The following GTF3C1 variants were observed in gnomAD, a reference collection of about 807,000 sequenced individuals.
GTF3C1 encodes general transcription factor IIIC subunit 1, also known as general transcription factor 3C polypeptide 1.
A neutral mutation model predicts 226.7 loss-of-function variants in GTF3C1; 57 were observed. The observed-to-expected ratio is 0.25, with a 90% CI of 0.20 to 0.31. The LOEUF is 0.31. Ranked by LOEUF, GTF3C1 falls within the 10% of genes least tolerant of loss-of-function variation. GTF3C1 has a pLI of 1.00. For missense variants in GTF3C1, 2,217 were observed against 2,776.1 expected, an observed-to-expected ratio of 0.80 and a Z score of 4.53; for synonymous variants, 1,090 against 1,084.8, an observed-to-expected ratio of 1.00 and a Z score of -0.09.
At chr16:27,511,644 T>G in intron 7 of GTF3C1, 105 bp downstream of exon 7, 2 of 1,221,362 alleles carry the variant, frequency 1.6e-6, no homozygotes, top group Non-Finnish European at 2.3e-6. Flanking sequence ...CTTCCCATTG[T>G]ATTACATTCT....
rs1404819810 is a variant in GTF3C1, at chr16:27,478,212, G to T, written c.4259+257C>A. On this transcript the variant is annotated intron_variant, in intron 28 of 36. Transcript: ENST00000356183. ...GAAAGAAAAAAAAAAGTTCTATGTG[G>T]ATTTTTGACTGTGCAGGGGGTCGGC... Among the ~76,000 whole-genome samples the T allele has an allele frequency of 2.0e-5, 3 of 152,088 alleles. No homozygotes were observed. In the East Asian group the frequency reaches 5.8e-4, roughly 29 times the overall value.
At chr16:27,482,970 TGA>T in intron 26 of GTF3C1, 72 bp downstream of exon 26, 1 of 1,247,052 alleles carries the variant, frequency 8.0e-7, no homozygotes, top group Non-Finnish European at 1.2e-6. Flanking sequence ...CACTGTGGGA[TGA>T]GAGGAGCTGA....
chr16:27,461,375 T>G lies in GTF3C1; in HGVS notation c.6305A>C (p.Asn2102Thr), dbSNP rs149217296. The G allele has an allele frequency of 1.9e-6, 3 of 1,612,232 alleles. No homozygotes were observed. The highest frequency in any genetic ancestry group is 2.5e-6 in the Non-Finnish European group (3 of 1,178,746). Residue 2102 changes from asparagine (N) to threonine (T), a missense_variant, in exon 37 of 37, where the codon AAC (asparagine) becomes ACC (threonine). Around this residue, in one of 12 missense-constraint regions of GTF3C1, gnomAD observed 153 missense variants for 199.8 expected, o/e 0.77. Coordinates refer to ENST00000356183, the MANE Select transcript of GTF3C1 (RefSeq NM_001520.4). The surrounding 1 kb of genome is among the most constrained non-coding windows in gnomAD (Gnocchi z 5.3). The part of the protein sequence containing the change: ...RLGRVFPHEV[N>T]WNKWIHL ...CTAGAGGTGGATCCACTTGTTCCAG[T>G]TGACCTCGTGGGGGAACACACGGCC...
At chr16:27,534,775 T>C (rs1360434695) in intron 4 of GTF3C1, among the ~76,000 whole-genome samples, 1 of 152,222 alleles carries the variant, frequency 6.6e-6, no homozygotes, top group Non-Finnish European at 1.5e-5. Context: ...TAAAAGATGC[T>C]TCTCTCTAAT....
intron 5 of GTF3C1, among the ~76,000 whole-genome samples, chr16:27,533,056 T>C (rs2088945124): frequency 6.6e-6 from 1 of 152,050 alleles, no homozygotes; most frequent in Admixed American, 6.6e-5. Flanking sequence ...CGCTTGAACC[T>C]GGGAGGCGAA....
At chr16:27,516,681 G>A (rs928323592) in intron 6 of GTF3C1, among the ~76,000 whole-genome samples, 2 of 152,054 alleles carry the variant, frequency 1.3e-5, no homozygotes, top group South Asian at 4.1e-4. Context: ...TCGCTTTGTC[G>A]TCCAGCCTGG....
rs777000176 is a variant in GTF3C1 at position 27,469,498 on chromosome 16, C to A, written c.4867G>T (p.Asp1623Tyr). The A allele has an allele frequency of 3.7e-6, 6 of 1,614,034 alleles. No individual in the cohort carries two copies. In the South Asian group the frequency reaches 6.6e-5, roughly 18 times the overall value. The change falls in exon 32 of 37, where the codon GAC becomes TAC. Residue 1623 changes from aspartate to tyrosine, a missense_variant. Asp to Tyr is a radical substitution (Grantham distance 160). This residue lies in a region of GTF3C1 where 546 missense variants were observed against 663.0 expected (regional missense o/e 0.82). Coordinates refer to ENST00000356183, the MANE Select transcript of GTF3C1 (RefSeq NM_001520.4). This position sits in a 1 kb window ranked among gnomAD's most constrained non-coding sequence, Gnocchi z 4.5. ...CGGCGCTTGCCCCCTACACCTTCGTCCAAGTCATCCTCTTCATCCTCGTCA... is the reference window on the plus strand; with the variant it reads ...CGGCGCTTGCCCCCTACACCTTCGTACAAGTCATCCTCTTCATCCTCGTCA... The part of the protein sequence containing the change: ...EDDEDEEDDL[D>Y]EGVGGKRRSM...
chr16:27,505,542 T>C (rs548124808), intron 10 of GTF3C1, among the ~76,000 whole-genome samples: 4 of 152,302 alleles, frequency 2.6e-5, no homozygotes, highest in Admixed American at 1.3e-4. Context: ...CCTGACTCCA[T>C]AGAGAGTTGT....
In GTF3C1 at chr16:27,497,643, T is replaced by C. The variant is rs778837886; in HGVS notation, c.2344A>G (p.Ile782Val). The C allele has an allele frequency of 1.9e-6, 3 of 1,611,364 alleles. No homozygotes were observed. The highest frequency in any genetic ancestry group is 1.7e-5 in the Admixed American group (1 of 59,902). The change falls in exon 14 of 37, where the codon ATT (isoleucine) becomes GTT (valine). Residue 782 changes from isoleucine to valine, a missense_variant. Around this residue, in one of 12 missense-constraint regions of GTF3C1, gnomAD observed 100 missense variants for 139.9 expected, o/e 0.71. Coordinates refer to ENST00000356183, the MANE Select transcript of GTF3C1 (RefSeq NM_001520.4). Reference sequence around the variant, plus strand: ...ACAAGAAGCTGCAGCTTACCTACAATGGGGTGATAATTTCTAAGCGGGGTT... The same window carrying C: ...ACAAGAAGCTGCAGCTTACCTACAACGGGGTGATAATTTCTAAGCGGGGTT... The part of the protein sequence containing the change: ...GITPLRNYHP[I>V]VVPGLGRSLG...
rs1165381364 is a variant in GTF3C1 at position 27,507,094 on chromosome 16, C to T, written c.1305G>A (p.Glu435=). The T allele has an allele frequency of 6.2e-7, 1 of 1,613,778 alleles. No individual in the cohort carries two copies. The highest frequency in any genetic ancestry group is 8.5e-7 in the Non-Finnish European group (1 of 1,179,954). The change falls in exon 9 of 37, where the codon GAG becomes GAA. Residue 435 remains glutamate (E), a synonymous_variant. Transcript: ENST00000356183. This position sits in a 1 kb window ranked among gnomAD's most constrained non-coding sequence, Gnocchi z 4.9. ...GGTACTGCCGGCTTAGGTCGCTCTC[C>T]TCTGCAAACACGCAGGAAATGTACT... ...TTKYISCVFA[E]ESDLSRQYQR... is the part of the protein sequence containing the mutation.
intron 32 of GTF3C1, among the ~76,000 whole-genome samples, chr16:27,467,771 G>A (rs145752303): frequency 6.6e-6 from 1 of 152,266 alleles, no homozygotes; most frequent in African/African-American, 2.4e-5. Flanking sequence ...TCGGGAGGCT[G>A]AGCTAGGAGA....
chr16:27,543,645 GCC>G (rs1328053969), intron 2 of GTF3C1, among the ~76,000 whole-genome samples: 1 of 152,118 alleles, frequency 6.6e-6, no homozygotes, highest in Non-Finnish European at 1.5e-5. Flanking sequence ...TGATCCTCCT[GCC>G]TTGGCCTCCC....
rs776527254 is a variant in GTF3C1 at position 27,461,370 on chromosome 16, T to C, written c.6310A>G (p.Asn2104Asp). 2 of 1,611,820 alleles carry C rather than the reference T, an allele frequency of 1.2e-6. No individual in the cohort carries two copies. The highest frequency in any genetic ancestry group is 1.7e-6 in the Non-Finnish European group (2 of 1,178,428). ...GRVFPHEVNW[N>D]KWIHL ...GGGTCCTAGAGGTGGATCCACTTGT[T>C]CCAGTTGACCTCGTGGGGGAACACA... The change falls in exon 37 of 37, where the codon AAC (asparagine) becomes GAC (aspartate). Residue 2104 changes from asparagine to aspartate, a missense_variant. This residue lies in a region of GTF3C1 where 153 missense variants were observed against 199.8 expected (regional missense o/e 0.77). Coordinates refer to ENST00000356183, the MANE Select transcript of GTF3C1 (RefSeq NM_001520.4). This position sits in a 1 kb window ranked among gnomAD's most constrained non-coding sequence, Gnocchi z 5.3.
intron 4 of GTF3C1, among the ~76,000 whole-genome samples, chr16:27,535,359 G>A (rs1335274362): frequency 6.6e-6 from 1 of 152,118 alleles, no homozygotes; most frequent in Non-Finnish European, 1.5e-5. Context: ...TATCACCTGA[G>A]GTCAGGAGTT....
Position 27,484,348 on chromosome 16 carries a change from CT to C in GTF3C1, c.3863del (p.Lys1288ArgfsTer36). ...IASNVLNTKVKGPFVTWQVVR... is the reference protein window; with the variant it reads ...IASNVLNTKVXGPFVTWQVVR... ...CCACCTGCCAGGTGACAAATGGGCC[CT>C]TCACCTGGATCAAACACAGAGCCAA... On this transcript the variant is annotated frameshift_variant, in exon 25 of 37. Transcript: ENST00000356183. LOFTEE classifies it high-confidence loss of function. 6.2e-7 allele frequency: 1 copy of C among 1,606,914 alleles called. No individual in the cohort carries two copies. Among genetic ancestry groups the C allele is most frequent in the Non-Finnish European group, 8.5e-7 (1 of 1,173,590 alleles).
chr16:27,483,782 T>C (rs1332636310), intron 25 of GTF3C1, among the ~76,000 whole-genome samples: 1 of 152,114 alleles, frequency 6.6e-6, no homozygotes, highest in African/African-American at 2.4e-5. Flanking sequence ...GGGCATCCTG[T>C]CCAATGATCC....
chr16:27,465,654 C>A, intron 32 of GTF3C1, 114 bp from the exon 33 acceptor site: 1 of 825,986 alleles, frequency 1.2e-6, no homozygotes, highest in African/African-American at 1.7e-5. Context: ...ACTGCTTCCC[C>A]GACAGCCACA....
In GTF3C1 at chr16:27,469,629, C is replaced by T; in HGVS notation, c.4815-79G>A. Reference sequence around the variant, plus strand: ...GCAGCCTCTCCCCTCCCTCAAGAGGCCTCTGTGGCTGGGCTTCAGCAGTGG... The same window carrying T: ...GCAGCCTCTCCCCTCCCTCAAGAGGTCTCTGTGGCTGGGCTTCAGCAGTGG... On this transcript the variant is annotated intron_variant, in intron 31 of 36. Transcript: ENST00000356183. The surrounding 1 kb of genome is among the most constrained non-coding windows in gnomAD (Gnocchi z 4.5). 1 of 1,504,570 alleles carries T rather than the reference C, an allele frequency of 6.6e-7. No homozygotes were observed. The highest frequency in any genetic ancestry group is 9.1e-7 in the Non-Finnish European group (1 of 1,103,210). 93.2% of individuals were successfully genotyped at this position (1,504,570 alleles called of 1,614,324 possible). A position where few individuals can be genotyped will look rare whatever the true frequency, so the allele number is the denominator to read the frequency against.
chr16:27,461,582 A>G lies in GTF3C1; in HGVS notation c.6118-20T>C, dbSNP rs777640918. The G allele has an allele frequency of 3.7e-5, 59 of 1,573,498 alleles. No homozygotes were observed. Among genetic ancestry groups the G allele is most frequent in the Non-Finnish European group, 4.5e-5 (52 of 1,144,472 alleles). ...CAGGCCCTGGAGACACCAGACACACAGGTTACAGCGGCACTGCCCTCGCCT... is the reference window on the plus strand; with the variant it reads ...CAGGCCCTGGAGACACCAGACACACGGGTTACAGCGGCACTGCCCTCGCCT... On this transcript the variant is annotated intron_variant, in intron 36 of 36. Transcript: ENST00000356183. The surrounding 1 kb of genome is among the most constrained non-coding windows in gnomAD (Gnocchi z 5.3).
Sources: gnomAD v4.1 joint callset for allele counts (sites outside exome capture counted in the v4.1 genomes callset) on GRCh38, gnomAD v4.1.1 for gene constraint, gnomAD v4.1.1 regional missense constraint, Gnocchi (gnomAD v3.1) non-coding constraint, MANE v1.5 for transcripts, NCBI Gene and HGNC (gene_info 2026-07-23, HGNC 2026-07-21) for gene names.